The following TEX11 variants were observed in gnomAD, a reference collection of about 807,000 sequenced individuals.
The protein encoded by TEX11 is testis-expressed protein 11.
In TEX11, 7 loss-of-function variants were observed where a neutral mutation model predicts 84.4. That is an observed-to-expected ratio of 0.08 (90% CI 0.05 to 0.16). TEX11 has a LOEUF of 0.16. Ranked by LOEUF, TEX11 falls within the 10% of genes least tolerant of loss-of-function variation. The probability of loss-of-function intolerance (pLI) is 1.00; values close to 1 mark genes in which losing one functional copy is unlikely to be tolerated. For missense variants in TEX11, 551 were observed against 660.5 expected (o/e 0.83, Z 1.82); for synonymous variants, 264 against 222.8 (o/e 1.18, Z -1.64).
intron 7 of TEX11, among the ~76,000 whole-genome samples, chrX:70,841,900 C>T (rs1196196974): frequency 1.5e-4 from 17 of 111,647 alleles, no homozygotes; most frequent in Admixed American, 9.5e-5. Context: ...ATAAACTCCT[C>T]GACACATACA....
chrX:70,679,694 C>T (rs1190744662), intron 14 of TEX11, among the ~76,000 whole-genome samples: 4 of 108,749 alleles, frequency 3.7e-5, no homozygotes, highest in Non-Finnish European at 7.7e-5. Context: ...AAGTGAGGAG[C>T]GTCTCTGCCC....
At chrX:70,591,954 G>T in intron 24 of TEX11, 131 bp from the exon 25 acceptor site, 1 of 431,419 alleles carries the variant, frequency 2.3e-6, no homozygotes, top group South Asian at 5.6e-5. Context: ...AGTTTAAACT[G>T]AACATTTTGG....
At chrX:70,885,908 A>G (rs1345083529) in intron 2 of TEX11, among the ~76,000 whole-genome samples, 85 of 106,449 alleles carry the variant, frequency 8.0e-4, no homozygotes, top group African/African-American at 2.8e-3. Context: ...AAAAAAAGAA[A>G]AAGAAAGAAA....
rs754013118 is a variant in TEX11 at position 70,641,757 on chromosome X, A to G, written c.1483+9693T>C. The stretch of plus-strand genomic sequence containing the variant: ...CACAACATACCAGAATCTCTGGGAC[A>G]CATTCAAAGCAGTGTGTAGAGGGAA... On this transcript the variant is annotated intron_variant, in intron 17 of 29. Coordinates refer to ENST00000374333, the MANE Select transcript of TEX11 (RefSeq NM_031276.3). Among the ~76,000 whole-genome samples the G allele has an allele frequency of 6.6e-3, 724 of 110,337 alleles. 3 individuals carry two copies. The highest frequency in any genetic ancestry group is 0.023 in the African/African-American group (687 of 30,346).
intron 9 of TEX11, among the ~76,000 whole-genome samples, chrX:70,795,913 C>A (rs1381589049): frequency 9.0e-6 from 1 of 111,232 alleles, no homozygotes; most frequent in African/African-American, 3.3e-5. Flanking sequence ...GCAAAGACTA[C>A]AGTAAATACC....
At chrX:70,874,281 C>A (rs1053930224) in intron 3 of TEX11, among the ~76,000 whole-genome samples, 6 of 110,230 alleles carry the variant, frequency 5.4e-5, no homozygotes, top group African/African-American at 2.0e-4. Context: ...TATAGCAATG[C>A]AAACAGCCTA....
intron 24 of TEX11, among the ~76,000 whole-genome samples, chrX:70,598,449 C>T (rs1448683099): frequency 9.0e-6 from 1 of 111,684 alleles, no homozygotes; most frequent in Non-Finnish European, 1.9e-5. Context: ...TGAAAAACTC[C>T]AGCATTCCTC....
At chrX:70,558,604 A>G (rs1339718827) in intron 25 of TEX11, among the ~76,000 whole-genome samples, 1 of 112,146 alleles carries the variant, frequency 8.9e-6, no homozygotes, top group East Asian at 2.8e-4. Context: ...TTTGTATTTC[A>G]AAGGACATGA....
At chrX:70,665,775 A>G (rs1192263492) in intron 16 of TEX11, among the ~76,000 whole-genome samples, 2 of 111,968 alleles carry the variant, frequency 1.8e-5, no homozygotes, top group African/African-American at 6.5e-5. Flanking sequence ...TTCATTTTAA[A>G]TCAAAATAAA....
At chrX:70,542,780 A>G (rs1435396617) in intron 28 of TEX11, among the ~76,000 whole-genome samples, 2 of 112,428 alleles carry the variant, frequency 1.8e-5, no homozygotes, top group African/African-American at 3.2e-5. Flanking sequence ...CAGTCAAACA[A>G]AGGCAGAATT....
chrX:70,698,585 G>A (rs1425434275), intron 13 of TEX11, among the ~76,000 whole-genome samples: 2 of 109,124 alleles, frequency 1.8e-5, no homozygotes, highest in African/African-American at 6.6e-5. Context: ...GTAGGGGACA[G>A]GAAAAATTTG....
chrX:70,583,247 A>T (rs967830273), intron 25 of TEX11, among the ~76,000 whole-genome samples: 1 of 111,305 alleles, frequency 9.0e-6, no homozygotes, highest in Non-Finnish European at 1.9e-5. Context: ...CTCATCCTTT[A>T]ACCCCCTCCC....
chrX:70,795,965 T>G (rs942885519), intron 9 of TEX11, among the ~76,000 whole-genome samples: 3 of 111,314 alleles, frequency 2.7e-5, no homozygotes, highest in African/African-American at 9.8e-5. Flanking sequence ...TCCACAAGCC[T>G]CAAGACCATC....
chrX:70,853,472 T>A (rs2091519849), intron 5 of TEX11, 144 bp from the exon 6 acceptor site: 2 of 454,558 alleles, frequency 4.4e-6, no homozygotes, highest in Non-Finnish European at 3.7e-6. Flanking sequence ...TTAGCATTTG[T>A]TAGAGTTCTG....
intron 8 of TEX11, among the ~76,000 whole-genome samples, chrX:70,832,318 G>C (rs2091381353): frequency 8.9e-6 from 1 of 112,040 alleles, no homozygotes; most frequent in Admixed American, 9.6e-5. Flanking sequence ...GGAGACTGAA[G>C]ACTATGTATA....
intron 2 of TEX11, among the ~76,000 whole-genome samples, chrX:70,901,292 C>G (rs981683959): frequency 9.0e-6 from 1 of 111,592 alleles, no homozygotes; most frequent in African/African-American, 3.3e-5. Context: ...CAAATTCAGT[C>G]TTAGCTATAT....
chrX:70,759,697 C>G (rs1296995205), intron 9 of TEX11, among the ~76,000 whole-genome samples: 1 of 111,385 alleles, frequency 9.0e-6, no homozygotes, highest in African/African-American at 3.3e-5. Flanking sequence ...CCTTTGAAAA[C>G]CGGCACAAGA....
intron 9 of TEX11, among the ~76,000 whole-genome samples, chrX:70,777,997 A>AT (rs1428236059): frequency 1.8e-5 from 2 of 112,286 alleles, no homozygotes; most frequent in Non-Finnish European, 3.8e-5. Context: ...TTCCTACAAG[A>AT]TACTCACTTT....
chrX:70,539,179 C>T (rs374709718), intron 28 of TEX11, among the ~76,000 whole-genome samples: 2 of 105,571 alleles, frequency 1.9e-5, no homozygotes, highest in African/African-American at 6.9e-5. Flanking sequence ...GGATTACAGG[C>T]GCCTACCACC....
Sources: allele counts gnomAD v4.1 joint callset (sites outside exome capture counted in the v4.1 genomes callset), GRCh38; gene constraint gnomAD v4.1.1; transcripts MANE v1.5; gene names NCBI Gene and HGNC (gene_info 2026-07-23, HGNC 2026-07-21).